The following TAB2 variants were observed in gnomAD, a reference collection of about 807,000 sequenced individuals.
TAB2 encodes the protein TGF-beta-activated kinase 1 and MAP3K7-binding protein 2.
A neutral mutation model predicts 65.0 loss-of-function variants in TAB2; 3 were observed. That is an observed-to-expected ratio of 0.05 (90% CI 0.02 to 0.12). TAB2 has a LOEUF of 0.12. TAB2 is among the 10% of genes least tolerant of loss of function. TAB2 has a pLI of 1.00. For synonymous variants in TAB2, 298 were observed against 285.1 expected (o/e 1.05, Z -0.46); for missense variants, 623 against 840.3 (o/e 0.74, Z 3.20).
chr6:149,309,008 A>C (rs1338783671), intron 1 of TAB2, among the ~76,000 whole-genome samples: 1 of 121,514 alleles, frequency 8.2e-6, no homozygotes, highest in African/African-American at 3.6e-5. Flanking sequence ...TGCCTGACCC[A>C]GGATAGATAA....
At chr6:149,245,665 C>T (rs1777696278) in intron 1 of TAB2, 1 of 151,900 alleles carries the variant, frequency 6.6e-6, no homozygotes, top group South Asian at 2.1e-4. Flanking sequence ...GGGTGTTTTG[C>T]TGTTTGTTTA....
chr6:149,296,704 G>T (rs1778883162), intron 1 of TAB2, among the ~76,000 whole-genome samples: 1 of 152,110 alleles, frequency 6.6e-6, no homozygotes, highest in Non-Finnish European at 1.5e-5. Context: ...AATATTGTAG[G>T]TCAGGACTTC....
chr6:149,238,966 C>T (rs1777548377), intron 1 of TAB2, among the ~76,000 whole-genome samples: 1 of 152,170 alleles, frequency 6.6e-6, no homozygotes, highest in Admixed American at 6.5e-5. Context: ...CAGTAAAACT[C>T]ACATTTATCA....
intron 3 of TAB2, among the ~76,000 whole-genome samples, chr6:149,392,456 T>C (rs1371745976): frequency 2.6e-5 from 4 of 152,200 alleles, no homozygotes; most frequent in Non-Finnish European, 4.4e-5. Flanking sequence ...CCCTTTAGGA[T>C]GGAGAGAAGT....
chr6:149,328,189 C>A (rs1779674471), intron 1 of TAB2, among the ~76,000 whole-genome samples: 1 of 152,202 alleles, frequency 6.6e-6, no homozygotes, highest in Non-Finnish European at 1.5e-5. Context: ...AACAGAAACT[C>A]CATAGAGCGT....
At chr6:149,360,880 GC>G (rs1007171241) in intron 1 of TAB2, among the ~76,000 whole-genome samples, 10 of 152,134 alleles carry the variant, frequency 6.6e-5, no homozygotes, top group African/African-American at 2.4e-4. Flanking sequence ...AAAGAAAGGG[GC>G]TACAGGCTTC....
intron 1 of TAB2, among the ~76,000 whole-genome samples, chr6:149,222,685 G>A (rs1052294209): frequency 7.9e-5 from 12 of 151,462 alleles, no homozygotes; most frequent in Non-Finnish European, 1.6e-4. Context: ...TTTCTCTGGA[G>A]ATCCCTGGCT....
chr6:149,285,430 G>A (rs1778660185), intron 1 of TAB2, among the ~76,000 whole-genome samples: 1 of 152,150 alleles, frequency 6.6e-6, no homozygotes, highest in African/African-American at 2.4e-5. Context: ...CCAGAGGTAG[G>A]ACTAAGGCCA....
intron 1 of TAB2, among the ~76,000 whole-genome samples, chr6:149,300,374 T>G (rs935527992): frequency 6.6e-6 from 1 of 152,210 alleles, no homozygotes; most frequent in Non-Finnish European, 1.5e-5. Context: ...TAATTTTGGT[T>G]ATAGAGCTGG....
intron 6 of TAB2, chr6:149,400,873 G>A (rs1782380561): frequency 1.6e-6 from 1 of 616,708 alleles, no homozygotes; most frequent in African/African-American, 1.9e-5. Flanking sequence ...CAAGCATATT[G>A]CTTTTTTCTT....
intron 1 of TAB2, among the ~76,000 whole-genome samples, chr6:149,229,406 GTGT>G (rs1777355291): frequency 6.6e-6 from 1 of 152,016 alleles, no homozygotes; most frequent in African/African-American, 2.4e-5. Flanking sequence ...GTGTGTGTGT[GTGT>G]GTGTGTGTGT....
At chr6:149,282,860 A>G (rs1301137280) in intron 1 of TAB2, among the ~76,000 whole-genome samples, 1 of 152,216 alleles carries the variant, frequency 6.6e-6, no homozygotes, top group Non-Finnish European at 1.5e-5. Context: ...TATTATCTTC[A>G]GACAAAAACC....
At chr6:149,238,789 C>T (rs1352819004) in intron 1 of TAB2, among the ~76,000 whole-genome samples, 1 of 152,228 alleles carries the variant, frequency 6.6e-6, no homozygotes, top group Admixed American at 6.5e-5. Flanking sequence ...CTTGCCTTTG[C>T]TACCTTCTGT....
At chr6:149,294,869 A>G (rs940339079) in intron 1 of TAB2, among the ~76,000 whole-genome samples, 1 of 152,152 alleles carries the variant, frequency 6.6e-6, no homozygotes, top group Non-Finnish European at 1.5e-5. Flanking sequence ...GTGACAATCA[A>G]ATAAGATCAT....
chr6:149,316,791 A>T (rs1195516578), upstream of TAB2, among the ~76,000 whole-genome samples: 1 of 152,168 alleles, frequency 6.6e-6, no homozygotes, highest in Non-Finnish European at 1.5e-5. Context: ...CGCAGCATTT[A>T]GATTTCTTTT....
At chr6:149,347,972 T>C (rs146991616) in intron 1 of TAB2, among the ~76,000 whole-genome samples, 222 of 152,342 alleles carry the variant, frequency 1.5e-3, no homozygotes, top group African/African-American at 5.1e-3. Flanking sequence ...TAAAAAATTA[T>C]AGCATCATCC....
In TAB2 at chr6:149,379,182, T is replaced by C; in HGVS notation, c.1267T>C (p.Ser423Pro). Residue 423 changes from serine (S) to proline (P), a missense_variant, in exon 3 of 7, where the codon TCT becomes CCT. Physicochemically the swap from Ser to Pro is moderately conservative, Grantham distance 74. Around this residue, in one of 3 missense-constraint regions of TAB2, gnomAD observed 550 missense variants for 665.7 expected, o/e 0.83. Transcript: ENST00000637181. The part of the protein sequence containing the change: ...SGASAASRNM[S>P]GQVSMGPAFI... ...AGCATCTGCTGCCTCCAGGAACATG[T>C]CTGGGCAAGTGAGCATGGGTCCTGC... is the stretch of plus-strand genomic sequence containing the variant. 1 of 1,614,218 alleles carries C rather than the reference T, an allele frequency of 6.2e-7. No individual in the cohort carries two copies. The highest frequency in any genetic ancestry group is 2.2e-5 in the East Asian group (1 of 44,892).
At chr6:149,388,069 TGATA>T (rs1781860488) in intron 3 of TAB2, among the ~76,000 whole-genome samples, 2 of 152,246 alleles carry the variant, frequency 1.3e-5, no homozygotes, top group South Asian at 4.1e-4. Context: ...TTTTTAATTT[TGATA>T]GATGTATCAT....
At chr6:149,377,717 T>A (rs1458968866) in intron 2 of TAB2, among the ~76,000 whole-genome samples, 1 of 152,216 alleles carries the variant, frequency 6.6e-6, no homozygotes. Flanking sequence ...ATTGCCTTTT[T>A]AATTAGGTTA....
Sources: gnomAD v4.1 joint callset for allele counts (sites outside exome capture counted in the v4.1 genomes callset) on GRCh38, gnomAD v4.1.1 for gene constraint, gnomAD v4.1.1 regional missense constraint, MANE v1.5 for transcripts, NCBI Gene and HGNC (gene_info 2026-07-23, HGNC 2026-07-21) for gene names.